MRAP: variants seen among roughly 807,000 people sequenced by gnomAD.
MRAP encodes melanocortin-2 receptor accessory protein.
Under a neutral mutation model 8.7 loss-of-function variants are expected in MRAP, and 8 were observed. The ratio of observed to expected loss-of-function variants is 0.92; its 90% CI spans 0.54 to 1.66. The LOEUF (loss-of-function observed/expected upper bound fraction) is 1.66, where lower values mean the gene tolerates loss of function less well. Among genes scored for constraint, MRAP ranks in the 40% most tolerant of loss-of-function variants. MRAP has a pLI of 0.00. For missense variants in MRAP, 237 were observed against 217.1 expected (o/e 1.09, Z -0.58); for synonymous variants, 95 against 95.5 (o/e 1.00, Z 0.03).
intron 1 of MRAP, among the ~76,000 whole-genome samples, chr21:32,300,152 CAACT>C (rs934850490): frequency 3.3e-5 from 5 of 152,162 alleles, no homozygotes; most frequent in Admixed American, 2.6e-4. Context: ...GTAATCCCAC[CAACT>C]AGAGAGGATC....
At chr21:32,299,126 C>G in intron 1 of MRAP, 49 bp downstream of exon 1, 1 of 1,460,272 alleles carries the variant, frequency 6.8e-7, no homozygotes, top group East Asian at 2.3e-5. Flanking sequence ...GGGGCCGGGG[C>G]CCAAATGACT....
chr21:32,298,794 C>G (rs768905740), upstream of MRAP: 15 of 608,402 alleles, frequency 2.5e-5, no homozygotes, highest in African/African-American at 7.3e-5. Flanking sequence ...GACACACCCC[C>G]CTGACCTTTC....
upstream of MRAP, among the ~76,000 whole-genome samples, chr21:32,297,639 A>C (rs910863987): frequency 1.3e-5 from 2 of 152,196 alleles, no homozygotes; most frequent in African/African-American, 4.8e-5. Context: ...CTAGCAAATG[A>C]CATAGTGTCA....
upstream of MRAP, among the ~76,000 whole-genome samples, chr21:32,298,269 G>A (rs1402310925): frequency 6.6e-6 from 1 of 152,262 alleles, no homozygotes; most frequent in East Asian, 1.9e-4. Context: ...ATGGGGTTGT[G>A]TCAGAGATAA....
intron 2 of MRAP, chr21:32,308,787 T>C (rs2032479328): frequency 6.5e-6 from 1 of 152,932 alleles, no homozygotes; most frequent in African/African-American, 2.4e-5. Flanking sequence ...CTGGTGGCTA[T>C]GGGGGCTGCA....
intron 1 of MRAP, among the ~76,000 whole-genome samples, chr21:32,305,996 C>A (rs1399353517): frequency 6.6e-6 from 1 of 152,184 alleles, no homozygotes; most frequent in Admixed American, 6.5e-5. Flanking sequence ...AGCCATCATG[C>A]TGGTAGCAAA....
chr21:32,311,444 G>A, intron 2 of MRAP: 4 of 220,926 alleles, frequency 1.8e-5, no homozygotes, highest in Admixed American at 7.0e-5. Context: ...AATGTAGGAA[G>A]AAGTGGCCTC....
chr21:32,295,121 T>G (rs993078340), upstream of MRAP, among the ~76,000 whole-genome samples: 1 of 151,710 alleles, frequency 6.6e-6, no homozygotes, highest in Admixed American at 6.6e-5. Flanking sequence ...AATTCTTGCC[T>G]CCTCAGAAGG....
At position 32,301,153 on chromosome 21, in the gene MRAP, G is replaced by A. The variant is rs549842942; in HGVS notation, c.106+2076G>A. On this transcript the variant is annotated intron_variant, in intron 1 of 2. Transcript: ENST00000303645. ...ATTTCTTTGTATTTTTAGTAGAGAC[G>A]TGGTTTCACCGTGTTAGCCAGGATG... Among the ~76,000 whole-genome samples, 48 of 149,726 alleles carry A rather than the reference G, an allele frequency of 3.2e-4. 2 individuals are homozygous for A. The highest frequency in any genetic ancestry group is 1.1e-3 in the African/African-American group (45 of 39,462).
At chr21:32,305,778 A>G (rs1381205974) in intron 1 of MRAP, among the ~76,000 whole-genome samples, 1 of 152,030 alleles carries the variant, frequency 6.6e-6, no homozygotes, top group Non-Finnish European at 1.5e-5. Flanking sequence ...CCTAATTACG[A>G]GCCGGATTGC....
At chr21:32,295,149 G>A (rs1172265631), upstream of MRAP, among the ~76,000 whole-genome samples, 1 of 151,994 alleles carries the variant, frequency 6.6e-6, no homozygotes, top group Non-Finnish European at 1.5e-5. Context: ...CAACTAAGGG[G>A]CATAAGACAG....
chr21:32,311,336 G>A, intron 2 of MRAP: 1 of 271,774 alleles, frequency 3.7e-6, no homozygotes. Flanking sequence ...ATACAAGTTG[G>A]CTTGGGCTAT....
At position 32,311,809 on chromosome 21, in the gene MRAP, T is replaced by C. The variant is rs764361483; in HGVS notation, c.332T>C (p.Val111Ala). ...ACCTCACAGGCTCAGGCGAGCTCAG[T>C]GGAGCCAGGGAGCAGAACTGGCCCT... The part of the protein sequence containing the change: ...LATSQAQASS[V>A]EPGSRTGPDQ... Residue 111 changes from valine (V) to alanine (A), a missense_variant, in exon 3 of 3, where the codon GTG (valine) becomes GCG (alanine). Physicochemically the swap from Val to Ala is moderately conservative, Grantham distance 64. Coordinates refer to ENST00000303645, the MANE Select transcript of MRAP (RefSeq NM_001379228.1). 3 of 1,614,028 alleles carry C rather than the reference T, an allele frequency of 1.9e-6. No individual in the cohort carries two copies. The highest frequency in any genetic ancestry group is 1.1e-5 in the South Asian group (1 of 91,078).
At chr21:32,311,619 G>A in intron 2 of MRAP, 65 bp from the exon 3 acceptor site, 1 of 1,570,186 alleles carries the variant, frequency 6.4e-7, no homozygotes, top group South Asian at 1.2e-5. Context: ...AAACCCCCCA[G>A]CCCCACAGTA....
chr21:32,293,902 TC>T (rs1187699980), upstream of MRAP, among the ~76,000 whole-genome samples: 36 of 152,064 alleles, frequency 2.4e-4, 1 homozygote, highest in Middle Eastern at 0.01. Flanking sequence ...CTTGCATGGA[TC>T]TTTTTTTTTT....
chr21:32,306,545 C>A, intron 1 of MRAP, 95 bp from the exon 2 acceptor site: 2 of 975,854 alleles, frequency 2.0e-6, no homozygotes, highest in Non-Finnish European at 3.3e-6. Flanking sequence ...AACTCAGGGC[C>A]CTCATTCCAC....
chr21:32,312,221 T>C lies in MRAP; in HGVS notation c.*225T>C, dbSNP rs1601112681. ...CTGAGTTTATTGAGCACACCTAGCC[T>C]GCTTGCTTACTGCTTATATTTGCTC... On this transcript the variant is annotated 3_prime_UTR_variant, in exon 3 of 3. Coordinates refer to ENST00000303645, the MANE Select transcript of MRAP (RefSeq NM_001379228.1). 6.9e-7 allele frequency: 1 copy of C among 1,449,384 alleles called. No homozygotes were observed. The highest frequency in any genetic ancestry group is 2.5e-5 in the East Asian group (1 of 39,730). The allele number at this position is 1,449,384 out of a possible 1,614,324, so 89.8% of individuals were successfully genotyped here. A position where few individuals can be genotyped will look rare whatever the true frequency, so the allele number is the denominator to read the frequency against.
At chr21:32,314,527 AT>A (rs777945653), downstream of MRAP, 133 of 1,604,378 alleles carry the variant, frequency 8.3e-5, no homozygotes, top group Non-Finnish European at 1.1e-4. Context: ...CATAAAAAAA[AT>A]CTGATACCTT....
rs1164498269 is a variant in MRAP at position 32,311,810 on chromosome 21, G to A, written c.333G>A (p.Val111=). 7 of 1,613,950 alleles carry A rather than the reference G, an allele frequency of 4.3e-6. No homozygotes were observed. The African/African-American group carries it at 5.3e-5, about 12-fold the overall frequency. ...CCTCACAGGCTCAGGCGAGCTCAGT[G>A]GAGCCAGGGAGCAGAACTGGCCCTG... is the stretch of plus-strand genomic sequence containing the variant. The part of the protein sequence containing the change: ...LATSQAQASS[V]EPGSRTGPDQ... Residue 111 remains valine, a synonymous_variant, in exon 3 of 3, where the codon GTG becomes GTA. Coordinates refer to ENST00000303645, the MANE Select transcript of MRAP (RefSeq NM_001379228.1).
Sources: gnomAD v4.1 joint callset for allele counts (sites outside exome capture counted in the v4.1 genomes callset) on GRCh38, gnomAD v4.1.1 for gene constraint, MANE v1.5 for transcripts, NCBI Gene and HGNC (gene_info 2026-07-23, HGNC 2026-07-21) for gene names.